The following GALNT15 variants were observed in gnomAD, a reference collection of about 807,000 sequenced individuals.
GALNT15 encodes UDP-GalNAc transferase T15.
A neutral mutation model predicts 66.8 loss-of-function variants in GALNT15; 67 were observed. That is an observed-to-expected ratio of 1.00 (90% confidence interval 0.82 to 1.23). The LOEUF (loss-of-function observed/expected upper bound fraction) is 1.23. Among genes scored for constraint, GALNT15 ranks in the 50% most tolerant of loss-of-function variants. The pLI, the probability that GALNT15 is intolerant of heterozygous loss-of-function variation, is 0.00. For synonymous variants in GALNT15, 313 were observed against 311.5 expected, an observed-to-expected ratio of 1.00 and a Z score of -0.05; for missense variants, 827 against 804.3, an observed-to-expected ratio of 1.03 and a Z score of -0.34.
At chr3:16,245,566 T>C in the GALNT15 span, among the ~76,000 whole-genome samples, 1 of 152,262 alleles carries the variant, frequency 6.6e-6, no homozygotes, top group African/African-American at 2.4e-5. Flanking sequence ...GGGTCCTTTC[T>C]AGCAGGAACA....
chr3:16,240,042 T>C, the GALNT15 span, among the ~76,000 whole-genome samples: 3 of 152,320 alleles, frequency 2.0e-5, no homozygotes, highest in East Asian at 3.9e-4. Flanking sequence ...ATCCTCCCCT[T>C]CTTAGTCCAT....
chr3:16,206,616 T>G (rs2063759908), intron 3 of GALNT15, among the ~76,000 whole-genome samples: 1 of 131,640 alleles, frequency 7.6e-6, no homozygotes, highest in South Asian at 2.3e-4. Context: ...GAGCTTGCAG[T>G]GAACCGAGAT....
chr3:16,246,226 G>C, the GALNT15 span, among the ~76,000 whole-genome samples: 2 of 151,644 alleles, frequency 1.3e-5, no homozygotes, highest in African/African-American at 4.9e-5. Context: ...CCTCCACTCA[G>C]AGCACACTGG....
At chr3:16,223,760 T>C (rs2063974734) in intron 9 of GALNT15, among the ~76,000 whole-genome samples, 1 of 151,688 alleles carries the variant, frequency 6.6e-6, no homozygotes, top group African/African-American at 2.4e-5. Context: ...TGGTGCGATC[T>C]TGGCTAACTG....
At chr3:16,233,932 C>T (rs913305046), downstream of GALNT15, among the ~76,000 whole-genome samples, 2 of 152,120 alleles carry the variant, frequency 1.3e-5, no homozygotes, top group Non-Finnish European at 2.9e-5. Context: ...GAATATGGCC[C>T]TCATCTTGAG....
At position 16,208,515 on chromosome 3, in the gene GALNT15, A is replaced by G; in HGVS notation, c.924A>G (p.Val308=). The G allele has an allele frequency of 1.9e-6, 3 of 1,613,954 alleles. No individual in the cohort carries two copies. Among genetic ancestry groups the G allele is most frequent in the Non-Finnish European group, 1.7e-6 (2 of 1,179,916 alleles). The change falls in exon 4 of 10, where the codon GTA becomes GTG. Residue 308 remains valine, a synonymous_variant. Coordinates refer to ENST00000339732, the MANE Select transcript of GALNT15 (RefSeq NM_054110.5). ...CAATTCTTTCCAGGAGCCGAGTGGT[A>G]TCTCCGGTGATAGATGTGATTGACT... ...SRIAGDRSRV[V]SPVIDVIDWK...
rs532734849 is a variant in GALNT15 at position 16,189,093 on chromosome 3, A to C, written c.540-6667A>C. On this transcript the variant is annotated intron_variant, in intron 1 of 9. Coordinates refer to ENST00000339732, the MANE Select transcript of GALNT15 (RefSeq NM_054110.5). This position sits in a 1 kb window ranked among gnomAD's most constrained non-coding sequence, Gnocchi z 5.1. ...TCCTGCATTTTAACAACAACAACAA[A>C]AAAAGGAAGCCACCAAAGCCACTGG... is the stretch of plus-strand genomic sequence containing the variant. Among the ~76,000 whole-genome samples, 118 of 152,110 alleles carry C rather than the reference A, an allele frequency of 7.8e-4. No homozygotes were observed. The highest frequency in any genetic ancestry group is 1.5e-3 in the South Asian group (7 of 4,810).
At chr3:16,214,844 T>G (rs2063855364) in intron 6 of GALNT15, among the ~76,000 whole-genome samples, 2 of 152,330 alleles carry the variant, frequency 1.3e-5, no homozygotes, top group South Asian at 4.1e-4. Context: ...CAGTTTAGAC[T>G]TTATTCAATT....
chr3:16,239,240 G>T, the GALNT15 span, among the ~76,000 whole-genome samples: 4 of 152,176 alleles, frequency 2.6e-5, no homozygotes, highest in Non-Finnish European at 4.4e-5. This position sits in a 1 kb window ranked among gnomAD's most constrained non-coding sequence, Gnocchi z 5.2. Context: ...GGGTGGCTGG[G>T]ACAGTGGCAA....
chr3:16,197,362 C>A (rs1431061587), intron 2 of GALNT15, among the ~76,000 whole-genome samples: 1 of 152,198 alleles, frequency 6.6e-6, no homozygotes, highest in Non-Finnish European at 1.5e-5. Flanking sequence ...TCCAGTGGCC[C>A]CATATTTCCT....
At chr3:16,238,966 A>G in the GALNT15 span, among the ~76,000 whole-genome samples, 1 of 152,134 alleles carries the variant, frequency 6.6e-6, no homozygotes, top group Non-Finnish European at 1.5e-5. The surrounding 1 kb of genome is among the most constrained non-coding windows in gnomAD (Gnocchi z 4.8). Context: ...ACAGACACCT[A>G]TGATCCAGGC....
the GALNT15 span, among the ~76,000 whole-genome samples, chr3:16,242,248 A>G: frequency 6.6e-6 from 1 of 152,220 alleles, no homozygotes; most frequent in East Asian, 1.9e-4. This position sits in a 1 kb window ranked among gnomAD's most constrained non-coding sequence, Gnocchi z 5.6. Flanking sequence ...GACAAGTAGC[A>G]AAAGTGTGCA....
chr3:16,217,301 T>G (rs191189840), intron 6 of GALNT15, among the ~76,000 whole-genome samples: 4 of 152,338 alleles, frequency 2.6e-5, no homozygotes, highest in African/African-American at 9.6e-5. Context: ...CTTTGTTCAT[T>G]TGATGACTTT....
chr3:16,206,409 C>G (rs1461113135), intron 3 of GALNT15, among the ~76,000 whole-genome samples: 1 of 149,156 alleles, frequency 6.7e-6, no homozygotes, highest in East Asian at 2.0e-4. Flanking sequence ...CGCGATGGTT[C>G]ACGCCTGTAA....
the GALNT15 span, among the ~76,000 whole-genome samples, chr3:16,242,104 G>A: frequency 3.3e-5 from 5 of 152,172 alleles, no homozygotes; most frequent in African/African-American, 1.2e-4. The surrounding 1 kb of genome is among the most constrained non-coding windows in gnomAD (Gnocchi z 5.6). Flanking sequence ...AGACCAACAG[G>A]ATTTCTGCCA....
Position 16,228,733 on chromosome 3 carries a change from AC to A in GALNT15, c.*1235del, listed in dbSNP as rs1283867465. The A allele has an allele frequency of 3.0e-6, 3 of 985,140 alleles. No individual in the cohort carries two copies. The highest frequency in any genetic ancestry group is 1.2e-6 in the Non-Finnish European group (1 of 829,922). The allele number at this position is 985,140 out of a possible 1,614,324, so 61.0% of individuals were successfully genotyped here. A position where few individuals can be genotyped will look rare whatever the true frequency, so the allele number is the denominator to read the frequency against. On this transcript the variant is annotated 3_prime_UTR_variant, in exon 10 of 10. Coordinates refer to ENST00000339732, the MANE Select transcript of GALNT15 (RefSeq NM_054110.5). ...AACAGCAACCTTTCTAAAAAAGCAA[AC>A]CTTTTTCCTGGGAGGAAAATGCCAG...
At position 16,182,212 on chromosome 3, in the gene GALNT15, A is replaced by G. The variant is rs2063478800; in HGVS notation, c.539+6522A>G. Among the ~76,000 whole-genome samples the G allele has an allele frequency of 6.6e-6, 1 of 152,122 alleles. No homozygotes were observed. Among genetic ancestry groups the G allele is most frequent in the South Asian group, 2.1e-4 (1 of 4,832 alleles). ...TTCAGACCCCACTTAAACCTACTAG[A>G]TGAAATCTCTACTTTAACAGGATCC... On this transcript the variant is annotated intron_variant, in intron 1 of 9. Coordinates refer to ENST00000339732, the MANE Select transcript of GALNT15 (RefSeq NM_054110.5). This position sits in a 1 kb window ranked among gnomAD's most constrained non-coding sequence, Gnocchi z 6.1.
chr3:16,236,236 G>A (rs575881149), downstream of GALNT15, among the ~76,000 whole-genome samples: 2 of 151,482 alleles, frequency 1.3e-5, no homozygotes, highest in South Asian at 4.2e-4. Flanking sequence ...TGCCAATCAG[G>A]ATATTTCAAA....
intron 6 of GALNT15, among the ~76,000 whole-genome samples, chr3:16,217,314 C>G (rs905462680): frequency 2.6e-5 from 4 of 152,124 alleles, no homozygotes; most frequent in African/African-American, 7.2e-5. Flanking sequence ...ATGACTTTTG[C>G]AAGGAGAATG....
Sources: gnomAD v4.1 joint callset for allele counts (sites outside exome capture counted in the v4.1 genomes callset) on GRCh38, gnomAD v4.1.1 for gene constraint, Gnocchi (gnomAD v3.1) non-coding constraint, MANE v1.5 for transcripts, NCBI Gene and HGNC (gene_info 2026-07-23, HGNC 2026-07-21) for gene names.